MTUS2: variants seen among roughly 807,000 people sequenced by gnomAD.
The protein encoded by MTUS2 is microtubule-associated tumor suppressor candidate 2.
A neutral mutation model predicts 114.1 loss-of-function variants in MTUS2; 40 were observed. The observed-to-expected ratio is 0.35, with a 90% CI of 0.27 to 0.46. The LOEUF (loss-of-function observed/expected upper bound fraction) is 0.46, where lower values mean the gene tolerates loss of function less well. MTUS2 is among the 20% of genes least tolerant of loss of function. The pLI is 1.00. For missense variants in MTUS2, 1,679 were observed against 1,705.4 expected, an observed-to-expected ratio of 0.98 and a Z score of 0.27; for synonymous variants, 688 against 672.0, an observed-to-expected ratio of 1.02 and a Z score of -0.37.
rs1435015209 is a variant in MTUS2, at chr13:29,504,545, CCAAA to C, written c.*1342_*1345del. The C allele has an allele frequency of 1.3e-5, 3 of 232,698 alleles. No homozygotes were observed. The highest frequency in any genetic ancestry group is 2.5e-5 in the Non-Finnish European group (3 of 117,808). 14.4% of individuals were successfully genotyped at this position (232,698 alleles called of 1,614,324 possible). ...CCCATCTTAGACCCAGAAGGTTCTCCCAAACAGAGGAGCCCAGTGAAACAGCCAG... is the reference window on the plus strand; with the variant it reads ...CCCATCTTAGACCCAGAAGGTTCTCCCAGAGGAGCCCAGTGAAACAGCCAG... On this transcript the variant is annotated 3_prime_UTR_variant, in exon 16 of 16. Coordinates refer to ENST00000612955, the MANE Select transcript of MTUS2 (RefSeq NM_001033602.4).
chr13:29,378,079 A>G (rs1238522966), intron 8 of MTUS2, among the ~76,000 whole-genome samples: 3 of 152,192 alleles, frequency 2.0e-5, no homozygotes, highest in African/African-American at 7.2e-5. Flanking sequence ...AACTATAGTG[A>G]CAGAGAACAG....
At chr13:29,172,487 A>C (rs1368359180) in intron 5 of MTUS2, among the ~76,000 whole-genome samples, 1 of 152,230 alleles carries the variant, frequency 6.6e-6, no homozygotes, top group Admixed American at 6.5e-5. Context: ...AATGAATTAA[A>C]GGATTAGGCA....
intron 9 of MTUS2, chr13:29,476,455 T>A (rs1216826323): frequency 6.6e-6 from 1 of 152,252 alleles, no homozygotes; most frequent in Non-Finnish European, 1.5e-5. Flanking sequence ...TAAAAACATC[T>A]AAATTTATCC....
In MTUS2 at chr13:29,487,819, C is replaced by T. The variant is rs1566232157; in HGVS notation, c.3400-81C>T. On this transcript the variant is annotated intron_variant, in intron 10 of 15. Coordinates refer to ENST00000612955, the MANE Select transcript of MTUS2 (RefSeq NM_001033602.4). ...GACTTGTCATTGATGTTTTGGGTCACGGACCTTTTCCACTCACGGAATTCC... is the reference window on the plus strand; with the variant it reads ...GACTTGTCATTGATGTTTTGGGTCATGGACCTTTTCCACTCACGGAATTCC... 22 of 1,098,886 alleles carry T rather than the reference C, an allele frequency of 2.0e-5. No individual in the cohort carries two copies. The East Asian group carries it at 3.3e-4, about 16-fold the overall frequency. 68.1% of individuals were successfully genotyped at this position (1,098,886 alleles called of 1,614,324 possible). A position where few individuals can be genotyped will look rare whatever the true frequency, so the allele number is the denominator to read the frequency against.
intron 5 of MTUS2, among the ~76,000 whole-genome samples, chr13:29,149,024 G>A (rs886996438): frequency 7.2e-5 from 11 of 152,144 alleles, no homozygotes; most frequent in Admixed American, 2.0e-4. Context: ...ATAGAATGAT[G>A]TATATTCCTT....
At chr13:28,864,143 C>T (rs573979602) in intron 2 of MTUS2, among the ~76,000 whole-genome samples, 1 of 152,298 alleles carries the variant, frequency 6.6e-6, no homozygotes, top group East Asian at 1.9e-4. Flanking sequence ...ACTTGAAAAT[C>T]TATGAAGATT....
chr13:29,101,469 A>G (rs1273335597), intron 5 of MTUS2, among the ~76,000 whole-genome samples: 2 of 152,214 alleles, frequency 1.3e-5, no homozygotes, highest in Non-Finnish European at 2.9e-5. Flanking sequence ...GTCCATGCCC[A>G]GGAAGATCTC....
At chr13:29,383,478 G>A (rs1872400696) in intron 8 of MTUS2, among the ~76,000 whole-genome samples, 1 of 152,062 alleles carries the variant, frequency 6.6e-6, no homozygotes, top group African/African-American at 2.4e-5. Flanking sequence ...CGAAGGCAGG[G>A]ACGTGTTTCT....
intron 2 of MTUS2, among the ~76,000 whole-genome samples, chr13:28,866,612 T>G (rs1877312396): frequency 6.6e-6 from 1 of 152,226 alleles, no homozygotes; most frequent in Non-Finnish European, 1.5e-5. Context: ...TATTATGAAC[T>G]CTTTTCATGT....
At chr13:29,124,400 G>C (rs1891430649) in intron 5 of MTUS2, among the ~76,000 whole-genome samples, 1 of 152,100 alleles carries the variant, frequency 6.6e-6, no homozygotes, top group South Asian at 2.1e-4. Context: ...CATTAAGTTG[G>C]CTACTATTTT....
intron 1 of MTUS2, among the ~76,000 whole-genome samples, chr13:28,836,066 A>G (rs1875063838): frequency 6.6e-6 from 1 of 152,214 alleles, no homozygotes; most frequent in African/African-American, 2.4e-5. Context: ...TGTTCAATAG[A>G]AATATAATGT....
intron 2 of MTUS2, among the ~76,000 whole-genome samples, chr13:28,861,245 A>G (rs1484196017): frequency 1.3e-5 from 2 of 152,206 alleles, no homozygotes; most frequent in African/African-American, 4.8e-5. Context: ...ATATAGATTA[A>G]TTGTCCATTT....
At chr13:28,883,264 G>A (rs991479221) in intron 2 of MTUS2, among the ~76,000 whole-genome samples, 2 of 152,162 alleles carry the variant, frequency 1.3e-5, no homozygotes, top group Non-Finnish European at 2.9e-5. Context: ...AGCTAAAAAT[G>A]TACTAACTAC....
intron 2 of MTUS2, among the ~76,000 whole-genome samples, chr13:28,910,144 A>G (rs912251999): frequency 7.9e-5 from 12 of 152,034 alleles, no homozygotes; most frequent in African/African-American, 2.4e-4. Flanking sequence ...TTTATTTTAT[A>G]TCTATTAACC....
intron 2 of MTUS2, among the ~76,000 whole-genome samples, chr13:28,881,571 T>C (rs1468520618): frequency 6.6e-6 from 1 of 152,224 alleles, no homozygotes; most frequent in Non-Finnish European, 1.5e-5. Context: ...CCAAAGGGGT[T>C]GTACTAATTT....
chr13:29,173,403 A>G (rs1244523479), intron 5 of MTUS2, among the ~76,000 whole-genome samples: 1 of 152,166 alleles, frequency 6.6e-6, no homozygotes, highest in African/African-American at 2.4e-5. Flanking sequence ...ATTTTAAGGA[A>G]ATAAGCTACA....
chr13:29,476,122 T>A (rs1880683560), intron 9 of MTUS2, among the ~76,000 whole-genome samples: 1 of 152,194 alleles, frequency 6.6e-6, no homozygotes, highest in Admixed American at 6.5e-5. Flanking sequence ...TGTTATAACT[T>A]CCTACAGTAT....
chr13:29,428,401 G>A (rs1876710633), intron 8 of MTUS2, among the ~76,000 whole-genome samples: 1 of 152,386 alleles, frequency 6.6e-6, no homozygotes, highest in East Asian at 1.9e-4. Context: ...CGCTCCAGGC[G>A]TGTCTGCGCG....
intron 8 of MTUS2, among the ~76,000 whole-genome samples, chr13:29,405,034 T>C (rs766728120): frequency 1.3e-5 from 2 of 152,216 alleles, no homozygotes; most frequent in African/African-American, 4.8e-5. Context: ...TTGTTTGCCT[T>C]TCCTGTATTG....
Sources: allele counts gnomAD v4.1 joint callset (sites outside exome capture counted in the v4.1 genomes callset), GRCh38; gene constraint gnomAD v4.1.1; transcripts MANE v1.5; gene names NCBI Gene and HGNC (gene_info 2026-07-23, HGNC 2026-07-21).